Variants in LMNA observed in about 807,000 individuals in gnomAD.
LMNA encodes lamin.
LMNA carries 20 observed loss-of-function variants against 70.4 expected under a neutral mutation model. The observed-to-expected ratio is 0.28, with a 90% CI of 0.20 to 0.41. LMNA has a LOEUF of 0.41. Ranked by LOEUF, LMNA falls within the 10% of genes least tolerant of loss-of-function variation. The probability of loss-of-function intolerance (pLI) is 1.00; values close to 1 mark genes in which losing one functional copy is unlikely to be tolerated. For synonymous variants in LMNA, 339 were observed against 372.8 expected (o/e 0.91, Z 1.04); for missense variants, 652 against 917.2 (o/e 0.71, Z 3.73).
intron 1 of LMNA, among the ~76,000 whole-genome samples, chr1:156,122,908 G>A (rs1409369649): frequency 6.6e-6 from 1 of 152,200 alleles, no homozygotes; most frequent in Non-Finnish European, 1.5e-5. Flanking sequence ...GAAAGAGTTT[G>A]GGAAGGGGAG....
At chr1:156,084,330 G>GGGGGA (rs1553259239) in intron 2 of LMNA, among the ~76,000 whole-genome samples, 2 of 90,072 alleles carry the variant, frequency 2.2e-5, no homozygotes, top group Non-Finnish European at 3.9e-5. Flanking sequence ...CAGAAGGTCG[G>GGGGGA]GGGGTGGTGG....
intron 1 of LMNA, among the ~76,000 whole-genome samples, chr1:156,117,132 G>A (rs571860590): frequency 5.3e-4 from 67 of 126,982 alleles, no homozygotes; most frequent in Non-Finnish European, 8.6e-4. Flanking sequence ...GTTTCACCAT[G>A]TTGGCTAGGC....
chr1:156,134,595 G>C lies in LMNA; in HGVS notation c.639+67G>C. Reference sequence around the variant, plus strand: ...GATGACAGACTTGGGCTGGGCTAGGGGGGACCAGCTGTGTGCAGAGCTCGC... The same window carrying C: ...GATGACAGACTTGGGCTGGGCTAGGCGGGACCAGCTGTGTGCAGAGCTCGC... On this transcript the variant is annotated intron_variant, in intron 3 of 11. Transcript: ENST00000368300. The surrounding 1 kb of genome is among the most constrained non-coding windows in gnomAD (Gnocchi z 5.3). 6.2e-7 allele frequency: 1 copy of C among 1,606,302 alleles called. No homozygotes were observed. The highest frequency in any genetic ancestry group is 8.5e-7 in the Non-Finnish European group (1 of 1,175,252).
intron 3 of LMNA, chr1:156,093,753 C>G (rs1358871127): frequency 6.6e-6 from 1 of 152,206 alleles, no homozygotes; most frequent in Non-Finnish European, 1.5e-5. Context: ...CTAGTCTACT[C>G]CTGTATTCTC....
In LMNA at chr1:156,137,161, G is replaced by A; in HGVS notation, c.1537G>A (p.Val513Met). Residue 513 changes from valine (V) to methionine (M), a missense_variant, in exon 9 of 12, where the codon GTG becomes ATG. This residue lies in a region of LMNA where 327 missense variants were observed against 387.6 expected (regional missense o/e 0.84). Coordinates refer to ENST00000368300, the MANE Select transcript of LMNA (RefSeq NM_170707.4). This position sits in a 1 kb window ranked among gnomAD's most constrained non-coding sequence, Gnocchi z 4.6. ...GATHSPPTDLVWKAQNTWGCG... is the reference protein window; with the variant it reads ...GATHSPPTDLMWKAQNTWGCG... ...CACCCACAGCCCCCCTACCGACCTGGTGTGGAAGGCACAGAACACCTGGGG... is the reference window on the plus strand; with the variant it reads ...CACCCACAGCCCCCCTACCGACCTGATGTGGAAGGCACAGAACACCTGGGG... 6.2e-7 allele frequency: 1 copy of A among 1,612,448 alleles called. No homozygotes were observed. Among genetic ancestry groups the A allele is most frequent in the Non-Finnish European group, 8.5e-7 (1 of 1,179,400 alleles).
chr1:156,114,791 T>C lies in LMNA; in HGVS notation c.-128T>C, dbSNP rs80356803. 4.5e-4 allele frequency: 303 copies of C among 674,028 alleles called. No homozygotes were observed. Among genetic ancestry groups the C allele is most frequent in the Admixed American group, 1.5e-3 (48 of 32,182 alleles). The allele number at this position is 674,028 out of a possible 1,614,324, so 41.8% of individuals were successfully genotyped here. ...AGCGCCCGGCCCAGATCCCCACGCC[T>C]GCCAGGAGCAAGCCGAGAGCCAGCC... On this transcript the variant is annotated 5_prime_UTR_variant, in exon 1 of 12. Transcript: ENST00000368300.
intron 1 of LMNA, among the ~76,000 whole-genome samples, chr1:156,127,620 G>T (rs1257443112): frequency 3.6e-5 from 5 of 137,906 alleles, no homozygotes; most frequent in African/African-American, 5.4e-5. Context: ...CCAAGTTCAA[G>T]TGATCCTCCT....
intron 3 of LMNA, among the ~76,000 whole-genome samples, chr1:156,095,304 G>C (rs1648893088): frequency 6.6e-6 from 1 of 152,082 alleles, no homozygotes; most frequent in African/African-American, 2.4e-5. Context: ...TAAGGGATGT[G>C]TCTCTCCAAA....
chr1:156,085,349 C>T (rs1648438266), intron 2 of LMNA, among the ~76,000 whole-genome samples: 1 of 152,206 alleles, frequency 6.6e-6, no homozygotes, highest in Admixed American at 6.5e-5. Context: ...GACCCCCTCC[C>T]TCAACTGAGA....
At chr1:156,112,707 C>A (rs1649585663), upstream of LMNA, among the ~76,000 whole-genome samples, 1 of 152,172 alleles carries the variant, frequency 6.6e-6, no homozygotes, top group Non-Finnish European at 1.5e-5. Flanking sequence ...TGCCCAGGCA[C>A]CCTCACTGAG....
At chr1:156,100,354 T>C (rs950048076) in intron 3 of LMNA, among the ~76,000 whole-genome samples, 1 of 152,184 alleles carries the variant, frequency 6.6e-6, no homozygotes, top group African/African-American at 2.4e-5. Context: ...ATGGTGACTA[T>C]GGAGTTAATA....
Position 156,103,928 on chromosome 1 carries a change from G to C in LMNA, c.-206-10785G>C, listed in dbSNP as rs989955970. ...AGTGGAGTCACTCCTTTCCTTCCCC[G>C]AACCCGGCCTCAGTTCCTGGGACAT... On this transcript the variant is annotated intron_variant, in intron 3 of 12. Transcript: ENST00000368301. The surrounding 1 kb of genome is among the most constrained non-coding windows in gnomAD (Gnocchi z 4.7). 6.6e-6 allele frequency among the ~76,000 whole-genome samples: 1 copy of C among 151,940 alleles called. No individual in the cohort carries two copies.
chr1:156,105,044 AC>A (rs1367804967), intron 3 of LMNA, among the ~76,000 whole-genome samples: 2 of 151,794 alleles, frequency 1.3e-5, no homozygotes, highest in Non-Finnish European at 2.9e-5. Flanking sequence ...TCCCAGCCAG[AC>A]CCCTCTCATC....
chr1:156,121,936 C>T (rs1482122588), intron 1 of LMNA, among the ~76,000 whole-genome samples: 2 of 152,092 alleles, frequency 1.3e-5, no homozygotes, highest in Non-Finnish European at 2.9e-5. Flanking sequence ...GAACAGATCA[C>T]TTCAGGTCAG....
chr1:156,138,953 G>A lies in LMNA; in HGVS notation c.1969-127G>A. On this transcript the variant is annotated intron_variant, in intron 11 of 11. Coordinates refer to ENST00000368300, the MANE Select transcript of LMNA (RefSeq NM_170707.4). This position sits in a 1 kb window ranked among gnomAD's most constrained non-coding sequence, Gnocchi z 5.5. ...CCCCTCTTGTCTGAGCCCCAGACTGGAGGGCAGGGGCAGGGCTGGAGTGTG... is the reference window on the plus strand; with the variant it reads ...CCCCTCTTGTCTGAGCCCCAGACTGAAGGGCAGGGGCAGGGCTGGAGTGTG... 7.7e-7 allele frequency: 1 copy of A among 1,306,602 alleles called. No homozygotes were observed. The highest frequency in any genetic ancestry group is 1.1e-6 in the Non-Finnish European group (1 of 906,490). The allele number at this position is 1,306,602 out of a possible 1,614,324, so 80.9% of individuals were successfully genotyped here. A position where few individuals can be genotyped will look rare whatever the true frequency, so the allele number is the denominator to read the frequency against.
chr1:156,137,083 C>T lies in LMNA; in HGVS notation c.1489-30C>T. On this transcript the variant is annotated intron_variant, in intron 8 of 11. Transcript: ENST00000368300. This position sits in a 1 kb window ranked among gnomAD's most constrained non-coding sequence, Gnocchi z 4.6. Reference sequence around the variant, plus strand: ...GAGGCCTTGGGTGGCGATGGGAGCGCTGGGGTAAGTGTCCTTTTCTCCTCT... The same window carrying T: ...GAGGCCTTGGGTGGCGATGGGAGCGTTGGGGTAAGTGTCCTTTTCTCCTCT... 1.2e-6 allele frequency: 2 copies of T among 1,614,072 alleles called. No individual in the cohort carries two copies. Among genetic ancestry groups the T allele is most frequent in the Non-Finnish European group, 1.7e-6 (2 of 1,179,964 alleles).
At chr1:156,102,492 T>C (rs1200559728) in intron 3 of LMNA, among the ~76,000 whole-genome samples, 1 of 151,996 alleles carries the variant, frequency 6.6e-6, no homozygotes, top group East Asian at 1.9e-4. Context: ...TTCAAGATGG[T>C]TTGGTTTAGG....
chr1:156,126,895 G>A (rs897472945), intron 1 of LMNA: 1 of 1,608,046 alleles, frequency 6.2e-7, no homozygotes, highest in African/African-American at 1.3e-5. Flanking sequence ...GCAGGACACG[G>A]GCGAAGCCAG....
chr1:156,119,123 CTTT>C, intron 1 of LMNA, among the ~76,000 whole-genome samples: 1 of 141,270 alleles, frequency 7.1e-6, no homozygotes, highest in African/African-American at 2.6e-5. Flanking sequence ...TTTTTTTTTT[CTTT>C]TTTTTTTTTT....
Sources: allele counts gnomAD v4.1 joint callset (sites outside exome capture counted in the v4.1 genomes callset), GRCh38; gene constraint gnomAD v4.1.1; regional missense constraint gnomAD v4.1.1; non-coding constraint Gnocchi (gnomAD v3.1); transcripts MANE v1.5; gene names NCBI Gene and HGNC (gene_info 2026-07-23, HGNC 2026-07-21).